Variants in SNAPC3 observed in about 807,000 individuals in gnomAD.
SNAPC3 encodes small nuclear RNA activating complex polypeptide 3, also known as snRNA-activating protein complex subunit 3.
In SNAPC3, 56 loss-of-function variants were observed where a neutral mutation model predicts 47.7. The observed-to-expected ratio is 1.18, with a 90% CI of 0.95 to 1.47. The LOEUF is 1.47. SNAPC3 is among the 40% of genes most tolerant of loss of function. SNAPC3 has a pLI of 0.00. For missense variants in SNAPC3, 665 were observed against 511.3 expected, an observed-to-expected ratio of 1.30 and a Z score of -2.90; for synonymous variants, 235 against 189.9, an observed-to-expected ratio of 1.24 and a Z score of -1.95.
At chr9:15,433,522 ATT>A (rs561423228) in intron 2 of SNAPC3, 28 bp from the exon 3 acceptor site, 15 of 1,153,432 alleles carry the variant, frequency 1.3e-5, no homozygotes, top group Non-Finnish European at 1.6e-5. Context: ...TTGAACTTTG[ATT>A]TTTTTTTTTC....
intron 4 of SNAPC3, among the ~76,000 whole-genome samples, chr9:15,446,638 T>G (rs908014852): frequency 6.6e-6 from 1 of 152,076 alleles, no homozygotes; most frequent in African/African-American, 2.4e-5. Flanking sequence ...GGAAGAAGCA[T>G]CATTCTCATT....
intron 2 of SNAPC3, among the ~76,000 whole-genome samples, chr9:15,431,323 C>A (rs1169139855): frequency 6.6e-6 from 1 of 152,206 alleles, no homozygotes; most frequent in East Asian, 1.9e-4. Flanking sequence ...AAAAGGACTT[C>A]CCTGCGCTCT....
intron 3 of SNAPC3, among the ~76,000 whole-genome samples, chr9:15,440,364 C>T (rs1294096074): frequency 6.6e-6 from 1 of 152,202 alleles, no homozygotes; most frequent in Non-Finnish European, 1.5e-5. Flanking sequence ...CAGGTCAGGT[C>T]TGCTGGTAGT....
chr9:15,448,759 A>G (rs934905493), intron 5 of SNAPC3, among the ~76,000 whole-genome samples: 4 of 152,222 alleles, frequency 2.6e-5, no homozygotes, highest in African/African-American at 9.7e-5. Context: ...AAACAATAGG[A>G]TAAGAAAAGT....
downstream of SNAPC3, chr9:15,461,923 A>C (rs908379976): frequency 3.3e-5 from 5 of 152,234 alleles, no homozygotes; most frequent in African/African-American, 1.2e-4. Flanking sequence ...CAACAATGCT[A>C]AAATTGAGCA....
At chr9:15,464,793 CCA>C (rs1469382768), downstream of SNAPC3, 1 of 206,260 alleles carries the variant, frequency 4.8e-6, no homozygotes, top group Non-Finnish European at 9.9e-6. Context: ...CTATATATAC[CCA>C]GTCAGTTGTC....
At chr9:15,439,104 T>G (rs1219220906) in intron 3 of SNAPC3, among the ~76,000 whole-genome samples, 1 of 151,874 alleles carries the variant, frequency 6.6e-6, no homozygotes, top group Non-Finnish European at 1.5e-5. Context: ...CAACCTCCTG[T>G]GCTCAAGTTA....
chr9:15,452,569 C>T (rs555112388), intron 6 of SNAPC3, among the ~76,000 whole-genome samples: 4 of 152,294 alleles, frequency 2.6e-5, no homozygotes, highest in South Asian at 4.1e-4. Flanking sequence ...CCGCCCACCT[C>T]GGCCTCCCGA....
At chr9:15,455,168 G>A (rs941537398) in intron 7 of SNAPC3, among the ~76,000 whole-genome samples, 1 of 152,116 alleles carries the variant, frequency 6.6e-6, no homozygotes, top group Non-Finnish European at 1.5e-5. Context: ...ATTGCCCCTA[G>A]GGAAGAAGAA....
chr9:15,459,402 G>T (rs565498461), intron 8 of SNAPC3, among the ~76,000 whole-genome samples: 1 of 152,096 alleles, frequency 6.6e-6, no homozygotes, highest in Non-Finnish European at 1.5e-5. Context: ...GACTATATTC[G>T]TACTTGGAGG....
chr9:15,428,185 C>T (rs1392497724), intron 2 of SNAPC3, among the ~76,000 whole-genome samples: 1 of 149,446 alleles, frequency 6.7e-6, no homozygotes, highest in Non-Finnish European at 1.5e-5. Context: ...CAGAAAAGAG[C>T]ACCATCAAAC....
chr9:15,451,070 C>T (rs1415302300), intron 5 of SNAPC3, among the ~76,000 whole-genome samples: 1 of 152,154 alleles, frequency 6.6e-6, no homozygotes, highest in Non-Finnish European at 1.5e-5. Flanking sequence ...ACTTACTGCT[C>T]TGTAAGTATA....
At chr9:15,445,224 G>T (rs1230010813) in intron 4 of SNAPC3, among the ~76,000 whole-genome samples, 1 of 152,146 alleles carries the variant, frequency 6.6e-6, no homozygotes, top group African/African-American at 2.4e-5. Flanking sequence ...CGATCCAGTA[G>T]GATTACAGGT....
intron 5 of SNAPC3, among the ~76,000 whole-genome samples, chr9:15,449,846 C>T (rs1433964121): frequency 1.3e-5 from 2 of 151,834 alleles, no homozygotes; most frequent in Non-Finnish European, 1.5e-5. Flanking sequence ...GCTGAGCCAC[C>T]AGGCCAGTCA....
chr9:15,459,625 G>T (rs2035049763), intron 8 of SNAPC3, 94 bp from the exon 9 acceptor site: 1 of 960,712 alleles, frequency 1.0e-6, no homozygotes, highest in South Asian at 1.6e-5. Context: ...TAAGGAAATA[G>T]AATGTTATAT....
At position 15,433,582 on chromosome 9, in the gene SNAPC3, A is replaced by G. The variant is rs756310337; in HGVS notation, c.423A>G (p.Glu141=). ...GAAAAAGGTTCTTGGAACATCGGGA[A>G]GAAACCATTACAATAGATCGAGCCT... ...GVRKRFLEHR[E]ETITIDRACR... is the part of the protein sequence containing the mutation. Residue 141 remains glutamate (E), a synonymous_variant, in exon 3 of 9, where the codon GAA becomes GAG. Transcript: ENST00000380821. 2 of 1,609,616 alleles carry G rather than the reference A, an allele frequency of 1.2e-6. No homozygotes were observed. Among genetic ancestry groups the G allele is most frequent in the Non-Finnish European group, 8.5e-7 (1 of 1,177,480 alleles).
intron 5 of SNAPC3, 105 bp downstream of exon 5, chr9:15,447,349 G>A (rs927475683): frequency 2.2e-5 from 21 of 972,492 alleles, no homozygotes; most frequent in Non-Finnish European, 3.0e-5. Context: ...TTCTTCTCCT[G>A]CGGGATTCCA....
Position 15,422,888 on chromosome 9 carries a change from A to G in SNAPC3, c.9A>G (p.Glu3=). 6.5e-7 allele frequency: 1 copy of G among 1,535,394 alleles called. No homozygotes were observed. The highest frequency in any genetic ancestry group is 8.8e-7 in the Non-Finnish European group (1 of 1,141,172). The part of the protein sequence containing the change: MA[E]GSRGGPTCSG... Reference sequence around the variant, plus strand: ...GAAGGAGTGGGGCGAACATGGCTGAAGGAAGCCGAGGTGGCCCTACGTGTA... The same window carrying G: ...GAAGGAGTGGGGCGAACATGGCTGAGGGAAGCCGAGGTGGCCCTACGTGTA... The change falls in exon 1 of 9, where the codon GAA becomes GAG. Residue 3 remains glutamate, a synonymous_variant. Coordinates refer to ENST00000380821, the MANE Select transcript of SNAPC3 (RefSeq NM_001039697.2).
intron 2 of SNAPC3, among the ~76,000 whole-genome samples, chr9:15,428,492 C>G (rs7029985): frequency 0.91 from 133,569 of 146,714 alleles, 61,000 homozygotes; most frequent in African/African-American, 0.94. Context: ...CTGGGCGACA[C>G]AGCGAGACTC....
Sources: gnomAD v4.1 joint callset for allele counts (sites outside exome capture counted in the v4.1 genomes callset) on GRCh38, gnomAD v4.1.1 for gene constraint, MANE v1.5 for transcripts, NCBI Gene and HGNC (gene_info 2026-07-23, HGNC 2026-07-21) for gene names.